Variants in DACH1 observed in about 807,000 individuals in gnomAD.
DACH1 encodes the protein dachshund family transcription factor 1.
DACH1 carries 12 observed loss-of-function variants against 54.2 expected under a neutral mutation model. The ratio of observed to expected loss-of-function variants is 0.22; its 90% CI spans 0.14 to 0.36. The LOEUF is 0.36. DACH1 is among the 10% of genes least tolerant of loss of function. DACH1 has a pLI of 1.00. For missense variants in DACH1, 805 were observed against 929.8 expected (o/e 0.87, Z 1.75); for synonymous variants, 386 against 366.2 (o/e 1.05, Z -0.62).
At position 71,866,221 on chromosome 13, in the gene DACH1, A is replaced by G; in HGVS notation, c.549T>C (p.Pro183=). The change falls in exon 1 of 11, where the codon CCT becomes CCC. Residue 183 remains proline, a synonymous_variant. Coordinates refer to ENST00000613252, the MANE Select transcript of DACH1 (RefSeq NM_080759.6). ...CCACCATTTTGCACTCATTATTCTG[A>G]GGGGTGTTTTCCACTGGGGACGGGG... The part of the protein sequence containing the change: ...YSTPSPVENT[P]QNNECKMVDL... 1 of 1,612,286 alleles carries G rather than the reference A, an allele frequency of 6.2e-7. No individual in the cohort carries two copies. Among genetic ancestry groups the G allele is most frequent in the South Asian group, 1.1e-5 (1 of 90,900 alleles).
Position 71,866,440 on chromosome 13 carries a change from G to C in DACH1, c.330C>G (p.Ala110=). 7.1e-7 allele frequency: 1 copy of C among 1,406,616 alleles called. No homozygotes were observed. Among genetic ancestry groups the C allele is most frequent in the Non-Finnish European group, 9.3e-7 (1 of 1,075,738 alleles). The allele number at this position is 1,406,616 out of a possible 1,614,324, so 87.1% of individuals were successfully genotyped here. A position where few individuals can be genotyped will look rare whatever the true frequency, so the allele number is the denominator to read the frequency against. ...GGSNCNPNLA[A]ASNGSGGGGG... is the part of the protein sequence containing the mutation. The stretch of plus-strand genomic sequence containing the variant: ...CGCCGCCGCCGCTGCCGTTGCTCGC[G>C]GCCGCCAGGTTGGGGTTGCAGTTGC... Residue 110 remains alanine (A), a synonymous_variant, in exon 1 of 11, where the codon GCC becomes GCG. Coordinates refer to ENST00000613252, the MANE Select transcript of DACH1 (RefSeq NM_080759.6).
At chr13:71,585,209 TAAACAAA>T (rs2049946953) in intron 3 of DACH1, among the ~76,000 whole-genome samples, 1 of 122,618 alleles carries the variant, frequency 8.2e-6, no homozygotes, top group Admixed American at 9.4e-5. Flanking sequence ...GTTGAAAAAA[TAAACAAA>T]TAAATAAAGT....
At chr13:71,779,178 C>CGTATATAT (rs1886216528) in intron 1 of DACH1, among the ~76,000 whole-genome samples, 1 of 121,218 alleles carries the variant, frequency 8.2e-6, no homozygotes, top group Non-Finnish European at 1.7e-5. Context: ...TATATATATA[C>CGTATATAT]ACATATATAC....
chr13:71,448,822 T>TG (rs902134824), intron 10 of DACH1, among the ~76,000 whole-genome samples: 3 of 55,976 alleles, frequency 5.4e-5, no homozygotes, highest in Non-Finnish European at 1.7e-4. Context: ...ACAGATTCTG[T>TG]GGTTTTTTTT....
intron 1 of DACH1, among the ~76,000 whole-genome samples, chr13:71,816,693 TATATATATATACACAC>T (rs1887971033): frequency 2.0e-5 from 3 of 146,772 alleles, no homozygotes; most frequent in South Asian, 2.1e-4. Context: ...TATATACACA[TATATATATATACACAC>T]ACCATAGAAT....
chr13:71,797,149 A>G (rs921866350), intron 1 of DACH1, among the ~76,000 whole-genome samples: 1 of 152,068 alleles, frequency 6.6e-6, no homozygotes, highest in Non-Finnish European at 1.5e-5. Context: ...CTTTAGTTGC[A>G]TATTGTAATT....
intron 2 of DACH1, among the ~76,000 whole-genome samples, chr13:71,672,596 A>G (rs1389372091): frequency 6.6e-6 from 1 of 152,194 alleles, no homozygotes; most frequent in Non-Finnish European, 1.5e-5. Context: ...AGCCTATCAA[A>G]GGGAAAGGCT....
intron 6 of DACH1, among the ~76,000 whole-genome samples, chr13:71,552,846 G>GATATATATATAT (rs1883962380): frequency 1.7e-5 from 1 of 60,416 alleles, no homozygotes; most frequent in Non-Finnish European, 3.0e-5. Context: ...TATATATAGA[G>GATATATATATAT]AGAGAGAGAG....
intron 1 of DACH1, among the ~76,000 whole-genome samples, chr13:71,786,918 C>T (rs575447736): frequency 3.9e-5 from 6 of 152,160 alleles, no homozygotes; most frequent in South Asian, 2.1e-4. Flanking sequence ...GAATTTTCTC[C>T]GTCACAGAGT....
chr13:71,778,694 A>G (rs1384138813), intron 1 of DACH1, among the ~76,000 whole-genome samples: 1 of 152,136 alleles, frequency 6.6e-6, no homozygotes, highest in African/African-American at 2.4e-5. Context: ...TTTTAAGCAT[A>G]GCTCTTGAAA....
At chr13:71,756,959 A>T (rs1324955000) in intron 1 of DACH1, among the ~76,000 whole-genome samples, 1 of 152,186 alleles carries the variant, frequency 6.6e-6, no homozygotes, top group African/African-American at 2.4e-5. Flanking sequence ...ACGATGGCTC[A>T]CGTAACAAAT....
At chr13:71,495,488 T>C (rs561102241) in intron 6 of DACH1, among the ~76,000 whole-genome samples, 1 of 152,190 alleles carries the variant, frequency 6.6e-6, no homozygotes, top group South Asian at 2.1e-4. Context: ...AAATAATCTA[T>C]AGATTAAGGG....
At chr13:71,510,323 G>A (rs531491605) in intron 6 of DACH1, among the ~76,000 whole-genome samples, 4 of 151,866 alleles carry the variant, frequency 2.6e-5, no homozygotes, top group South Asian at 2.1e-4. Context: ...ATTTATTTGC[G>A]TTAGCTCAGA....
intron 6 of DACH1, among the ~76,000 whole-genome samples, chr13:71,530,608 C>T (rs977855631): frequency 2.0e-5 from 3 of 152,084 alleles, no homozygotes; most frequent in Non-Finnish European, 4.4e-5. Context: ...CTTGACTTGC[C>T]TTCTCAGTTT....
At chr13:71,541,089 A>G (rs1029593183) in intron 6 of DACH1, among the ~76,000 whole-genome samples, 1 of 151,978 alleles carries the variant, frequency 6.6e-6, no homozygotes, top group Non-Finnish European at 1.5e-5. Flanking sequence ...TTACCATCCT[A>G]GAAATATTTT....
Position 71,644,222 on chromosome 13 carries a change from C to T in DACH1, c.965-13505G>A, listed in dbSNP as rs985686323. Among the ~76,000 whole-genome samples, 5 of 152,036 alleles carry T rather than the reference C, an allele frequency of 3.3e-5. No homozygotes were observed. The East Asian group carries it at 5.8e-4, about 18-fold the overall frequency. On this transcript the variant is annotated intron_variant, in intron 2 of 10. Transcript: ENST00000613252. ...CTATGTATTATCTGACCTGTTTTAA[C>T]GCAGAAATCCTTCCTCTGTCATCAG...
chr13:71,807,673 T>C (rs756706728), intron 1 of DACH1, among the ~76,000 whole-genome samples: 1 of 152,188 alleles, frequency 6.6e-6, no homozygotes, highest in Non-Finnish European at 1.5e-5. Flanking sequence ...GGTCACTACA[T>C]CACATCGATG....
At chr13:71,788,589 C>A (rs1886703900) in intron 1 of DACH1, among the ~76,000 whole-genome samples, 1 of 151,980 alleles carries the variant, frequency 6.6e-6, no homozygotes, top group South Asian at 2.1e-4. Flanking sequence ...CACATACCCC[C>A]CCACACACAC....
At chr13:71,768,511 T>A (rs909097837) in intron 1 of DACH1, among the ~76,000 whole-genome samples, 21 of 151,964 alleles carry the variant, frequency 1.4e-4, no homozygotes, top group African/African-American at 5.1e-4. Flanking sequence ...GAAAAAAGTA[T>A]GAAATGTATT....
Sources: allele counts gnomAD v4.1 joint callset (sites outside exome capture counted in the v4.1 genomes callset), GRCh38; gene constraint gnomAD v4.1.1; transcripts MANE v1.5; gene names NCBI Gene and HGNC (gene_info 2026-07-23, HGNC 2026-07-21).